RNF212B: variants seen among roughly 807,000 people sequenced by gnomAD.
RNF212B encodes the protein ring finger protein 212B.
Under a neutral mutation model 55.5 loss-of-function variants are expected in RNF212B, and 52 were observed. That is an observed-to-expected ratio of 0.94 (90% CI 0.75 to 1.18). The LOEUF (loss-of-function observed/expected upper bound fraction) is 1.18. Ranked by LOEUF, RNF212B falls within the 50% of genes most tolerant of loss-of-function variation. RNF212B has a pLI of 0.00. For missense variants in RNF212B, 289 were observed against 350.4 expected (o/e 0.82, Z 1.40); for synonymous variants, 99 against 121.4 (o/e 0.82, Z 1.21).
intron 7 of RNF212B, among the ~76,000 whole-genome samples, chr14:23,262,014 T>C (rs546292229): frequency 1.5e-4 from 23 of 151,868 alleles, no homozygotes; most frequent in Admixed American, 7.9e-4. Context: ...TCTCTATATA[T>C]ACACACACAC....
intron 1 of RNF212B, among the ~76,000 whole-genome samples, chr14:23,187,498 G>A (rs927500299): frequency 3.9e-5 from 6 of 152,098 alleles, no homozygotes; most frequent in African/African-American, 1.4e-4. Context: ...ACAGATGTGC[G>A]CCACCACACC....
chr14:23,229,612 TA>T (rs1028516156), intron 2 of RNF212B, among the ~76,000 whole-genome samples: 4 of 152,162 alleles, frequency 2.6e-5, no homozygotes, highest in African/African-American at 9.7e-5. Flanking sequence ...ACTGTGGTTT[TA>T]ATTTGCATTT....
chr14:23,230,923 C>T (rs963292875), intron 2 of RNF212B, among the ~76,000 whole-genome samples: 3 of 152,096 alleles, frequency 2.0e-5, no homozygotes, highest in African/African-American at 7.2e-5. Context: ...AATCAACTGA[C>T]CATAGATGTG....
At chr14:23,259,815 TATA>T (rs959698386) in intron 5 of RNF212B, 66 bp from the exon 6 acceptor site, 14 of 771,230 alleles carry the variant, frequency 1.8e-5, no homozygotes, top group African/African-American at 1.4e-4. Flanking sequence ...TGTTAATAGT[TATA>T]ATAATAAAAA....
chr14:23,216,580 A>T (rs10144176), intron 2 of RNF212B, among the ~76,000 whole-genome samples: 81,219 of 150,770 alleles, frequency 0.54, 22,546 homozygotes, highest in South Asian at 0.66. Flanking sequence ...AAAAAAAAAA[A>T]AATAATAAGG....
intron 11 of RNF212B, among the ~76,000 whole-genome samples, chr14:23,265,963 C>G (rs1594950983): frequency 6.6e-6 from 1 of 152,068 alleles, no homozygotes; most frequent in East Asian, 1.9e-4. Context: ...ACATTCATTC[C>G]AAAGGTTGTT....
chr14:23,207,320 G>A (rs564478340), intron 2 of RNF212B, among the ~76,000 whole-genome samples: 1 of 152,248 alleles, frequency 6.6e-6, no homozygotes, highest in South Asian at 2.1e-4. Flanking sequence ...GCTGTAGACT[G>A]CTCTCTACTA....
chr14:23,207,388 T>A (rs1879951986), intron 2 of RNF212B, among the ~76,000 whole-genome samples: 1 of 152,198 alleles, frequency 6.6e-6, no homozygotes, highest in Non-Finnish European at 1.5e-5. Flanking sequence ...TCAAATTCCA[T>A]AAAGGAGTTA....
intron 5 of RNF212B, 106 bp from the exon 6 acceptor site, chr14:23,259,778 A>G (rs1319495470): frequency 4.0e-6 from 2 of 502,550 alleles, no homozygotes; most frequent in African/African-American, 2.0e-5. Flanking sequence ...TATAGCTGCA[A>G]GCATTTCTCA....
intron 14 of RNF212B, among the ~76,000 whole-genome samples, chr14:23,271,151 A>G (rs1175108927): frequency 1.3e-5 from 2 of 152,160 alleles, no homozygotes; most frequent in African/African-American, 4.8e-5. Context: ...CTATTAAATG[A>G]AAAGTCACCG....
chr14:23,265,814 T>C (rs1333934946), intron 11 of RNF212B, among the ~76,000 whole-genome samples: 1 of 152,234 alleles, frequency 6.6e-6, no homozygotes, highest in Non-Finnish European at 1.5e-5. Context: ...TTGGATTTAG[T>C]TCTTTTTCTA....
At chr14:23,207,797 G>T (rs757811701) in intron 2 of RNF212B, among the ~76,000 whole-genome samples, 26 of 152,216 alleles carry the variant, frequency 1.7e-4, no homozygotes, top group Non-Finnish European at 3.4e-4. Context: ...TGTGCCCAAG[G>T]TGGTCGGGGT....
Position 23,272,864 on chromosome 14 carries a change from G to A in RNF212B, c.876G>A (p.Gly292=). Residue 292 remains glycine (G), a synonymous_variant, in exon 15 of 15, where the codon GGG becomes GGA. Coordinates refer to ENST00000430154, the MANE Select transcript of RNF212B (RefSeq NM_001282322.3). ...QQRRHMGLPS[G]REAWTTSR ...GGAGGCATATGGGATTACCCAGTGGGAGAGAAGCATGGACCACTTCTAGAT... is the reference window on the plus strand; with the variant it reads ...GGAGGCATATGGGATTACCCAGTGGAAGAGAAGCATGGACCACTTCTAGAT... 1 of 1,547,340 alleles carries A rather than the reference G, an allele frequency of 6.5e-7. No individual in the cohort carries two copies. Among genetic ancestry groups the A allele is most frequent in the Non-Finnish European group, 8.7e-7 (1 of 1,144,770 alleles).
upstream of RNF212B, among the ~76,000 whole-genome samples, chr14:23,236,176 C>A (rs1050472899): frequency 6.6e-6 from 1 of 152,198 alleles, no homozygotes; most frequent in African/African-American, 2.4e-5. Flanking sequence ...ACTCTTCTCA[C>A]TAAATTTTTC....
At chr14:23,258,768 ATTTG>A (rs1181573403) in intron 5 of RNF212B, 104 bp downstream of exon 5, 8 of 469,160 alleles carry the variant, frequency 1.7e-5, no homozygotes, top group Non-Finnish European at 2.5e-5. Flanking sequence ...CTCCATATGT[ATTTG>A]TTTGTTTGGG....
At chr14:23,263,293 G>C (rs1885436696) in intron 9 of RNF212B, among the ~76,000 whole-genome samples, 1 of 152,192 alleles carries the variant, frequency 6.6e-6, no homozygotes, top group Non-Finnish European at 1.5e-5. Flanking sequence ...TTGAGAGTGA[G>C]GGTTGACATT....
intron 1 of RNF212B, among the ~76,000 whole-genome samples, chr14:23,185,707 C>T (rs779260920): frequency 2.0e-5 from 3 of 152,090 alleles, no homozygotes; most frequent in Non-Finnish European, 2.9e-5. Context: ...TAGGTGCACA[C>T]GTTGGAAAGG....
intron 11 of RNF212B, among the ~76,000 whole-genome samples, chr14:23,266,070 A>G (rs114212673): frequency 0.012 from 1,816 of 151,838 alleles, 45 homozygotes; most frequent in African/African-American, 0.042. Context: ...TTCGCCTCCC[A>G]GGTTCAGCCT....
rs1341505196 is a variant in RNF212B, at chr14:23,262,762, T to A, written c.481+51T>A. The A allele has an allele frequency of 2.6e-6, 4 of 1,516,314 alleles. No individual in the cohort carries two copies. In the African/African-American group the frequency reaches 4.1e-5, roughly 16 times the overall value. 93.9% of individuals were successfully genotyped at this position (1,516,314 alleles called of 1,614,324 possible). On this transcript the variant is annotated intron_variant, in intron 8 of 14. Coordinates refer to ENST00000430154, the MANE Select transcript of RNF212B (RefSeq NM_001282322.3). ...TCTGTGTGAGATGAATATCCTTTCC[T>A]TATGTAGAAGATGGTTTCCTCTCAG...
Sources: allele counts gnomAD v4.1 joint callset (sites outside exome capture counted in the v4.1 genomes callset), GRCh38; gene constraint gnomAD v4.1.1; transcripts MANE v1.5; gene names NCBI Gene and HGNC (gene_info 2026-07-23, HGNC 2026-07-21).